LUC7L3: variants seen among roughly 807,000 people sequenced by gnomAD.
LUC7L3 encodes the protein LUC7 like 3 pre-mRNA splicing factor.
A neutral mutation model predicts 66.8 loss-of-function variants in LUC7L3; 6 were observed. The observed-to-expected ratio is 0.09, with a 90% CI of 0.05 to 0.18. The LOEUF (loss-of-function observed/expected upper bound fraction) is 0.18, where lower values mean the gene tolerates loss of function less well. LUC7L3 is among the 10% of genes least tolerant of loss of function. The pLI, the probability that LUC7L3 is intolerant of heterozygous loss-of-function variation, is 1.00. For missense variants in LUC7L3, 341 were observed against 531.1 expected (o/e 0.64, Z 3.52); for synonymous variants, 160 against 174.7 (o/e 0.92, Z 0.66).
At chr17:50,737,130 T>C (rs1970031754) in intron 2 of LUC7L3, 104 bp downstream of exon 2, 7 of 782,704 alleles carry the variant, frequency 8.9e-6, no homozygotes, top group South Asian at 5.1e-5. Flanking sequence ...TGAAGTTTTT[T>C]CTTAAAGATT....
chr17:50,741,361 A>G, intron 4 of LUC7L3, 115 bp downstream of exon 4: 1 of 1,080,766 alleles, frequency 9.3e-7, no homozygotes, highest in South Asian at 1.7e-5. Flanking sequence ...TTAAAATGAT[A>G]TGAAACTTAT....
intron 9 of LUC7L3, among the ~76,000 whole-genome samples, chr17:50,749,754 GGCTAGACTAT>G (rs1209542271): frequency 6.6e-6 from 1 of 152,172 alleles, no homozygotes; most frequent in African/African-American, 2.4e-5. Flanking sequence ...GAACTGAAAA[GGCTAGACTAT>G]GCTTGCTCTG....
chr17:50,731,420 C>T (rs988683884), intron 1 of LUC7L3, among the ~76,000 whole-genome samples: 1 of 152,034 alleles, frequency 6.6e-6, no homozygotes, highest in African/African-American at 2.4e-5. Context: ...CGCCTGCCTC[C>T]GCCTCCCAAA....
intron 9 of LUC7L3, among the ~76,000 whole-genome samples, chr17:50,747,610 T>C (rs546061775): frequency 6.6e-6 from 1 of 152,188 alleles, no homozygotes; most frequent in Non-Finnish European, 1.5e-5. Context: ...TTTATTATAC[T>C]AGTCTTTTGT....
Position 50,751,633 on chromosome 17 carries a change from T to G in LUC7L3, c.*972T>G, listed in dbSNP as rs1970978469. The G allele has an allele frequency of 2.7e-6, 3 of 1,123,210 alleles. No homozygotes were observed. The highest frequency in any genetic ancestry group is 3.3e-6 in the Non-Finnish European group (3 of 907,842). The allele number at this position is 1,123,210 out of a possible 1,614,324, so 69.6% of individuals were successfully genotyped here. ...CTTCATATTATTCGCCTTGTTACAC[T>G]CAATGCAATTCTCAAGTCTATAAGA... is the stretch of plus-strand genomic sequence containing the variant. On this transcript the variant is annotated 3_prime_UTR_variant, in exon 10 of 10. Transcript: ENST00000505658.
chr17:50,738,253 A>G, intron 2 of LUC7L3: 1 of 398,960 alleles, frequency 2.5e-6, no homozygotes, highest in Non-Finnish European at 4.9e-6. Flanking sequence ...TGATTTTCCT[A>G]TGATAAAGCC....
chr17:50,719,956 G>A, intron 1 of LUC7L3, 125 bp downstream of exon 1: 1 of 798,282 alleles, frequency 1.3e-6, no homozygotes. Context: ...CGTCTGACCC[G>A]GTGCCCATGG....
intron 1 of LUC7L3, chr17:50,723,208 A>G (rs1319047444): frequency 1.3e-5 from 2 of 152,256 alleles, no homozygotes; most frequent in African/African-American, 4.8e-5. Context: ...TCTCAACCTG[A>G]AAATGAAATT....
At chr17:50,746,780 G>T in intron 9 of LUC7L3, 78 bp downstream of exon 9, 1 of 1,303,508 alleles carries the variant, frequency 7.7e-7, no homozygotes, top group Non-Finnish European at 1.1e-6. Flanking sequence ...TCCAGACACA[G>T]GCAAAGATCC....
At chr17:50,725,636 G>A (rs1458974863) in intron 1 of LUC7L3, among the ~76,000 whole-genome samples, 1 of 152,174 alleles carries the variant, frequency 6.6e-6, no homozygotes, top group African/African-American at 2.4e-5. Context: ...TTTGAGTTGA[G>A]TGTGTCCATT....
chr17:50,726,119 T>C (rs985814769), intron 1 of LUC7L3, among the ~76,000 whole-genome samples: 1 of 152,038 alleles, frequency 6.6e-6, no homozygotes, highest in Admixed American at 6.6e-5. Context: ...CCCTTGGTTC[T>C]TGTGTATTTT....
chr17:50,743,601 C>A, intron 5 of LUC7L3, 105 bp from the exon 6 acceptor site: 2 of 697,742 alleles, frequency 2.9e-6, no homozygotes, highest in African/African-American at 1.8e-5. Context: ...GTAAATGAAA[C>A]CAAACAAAAA....
At chr17:50,736,082 G>A (rs1969967167) in intron 1 of LUC7L3, among the ~76,000 whole-genome samples, 1 of 152,202 alleles carries the variant, frequency 6.6e-6, no homozygotes, top group Non-Finnish European at 1.5e-5. Flanking sequence ...GCAGTGGGCT[G>A]AGATGGTGCC....
chr17:50,741,515 A>G (rs1299750634), intron 4 of LUC7L3, 142 bp from the exon 5 acceptor site: 1 of 616,268 alleles, frequency 1.6e-6, no homozygotes, highest in Admixed American at 3.3e-5. Context: ...ATTGACCAAC[A>G]GAAGTTGAAG....
intron 1 of LUC7L3, among the ~76,000 whole-genome samples, chr17:50,735,471 C>G (rs1471675777): frequency 6.6e-6 from 1 of 151,764 alleles, no homozygotes; most frequent in Non-Finnish European, 1.5e-5. Context: ...TTCCCTTTTC[C>G]TTTTCGTTTT....
chr17:50,735,828 T>TTGTGCATTAATAATCTCCCCA (rs1969948741), intron 1 of LUC7L3, among the ~76,000 whole-genome samples: 2 of 152,254 alleles, frequency 1.3e-5, no homozygotes, highest in East Asian at 3.9e-4. Context: ...TGTGTTATAG[T>TTGTGCATTAATAATCTCCCCA]TGTGCATTAA....
At chr17:50,744,510 C>T in intron 6 of LUC7L3, 142 bp from the exon 7 acceptor site, 4 of 716,836 alleles carry the variant, frequency 5.6e-6, no homozygotes, top group Non-Finnish European at 8.8e-6. Flanking sequence ...AAGTTGACCA[C>T]TTGTAGTCCA....
At chr17:50,725,652 G>T (rs1969131965) in intron 1 of LUC7L3, among the ~76,000 whole-genome samples, 1 of 152,108 alleles carries the variant, frequency 6.6e-6, no homozygotes, top group Non-Finnish European at 1.5e-5. Context: ...CCATTTATAC[G>T]TGGAGTTTTT....
In LUC7L3 at chr17:50,731,541, C is replaced by T. The variant is rs186675676; in HGVS notation, c.100-5419C>T. Among the ~76,000 whole-genome samples, 134 of 152,080 alleles carry T rather than the reference C, an allele frequency of 8.8e-4. 1 individual carries two copies. Among genetic ancestry groups the T allele is most frequent in the Admixed American group, 3.1e-3 (48 of 15,284 alleles). On this transcript the variant is annotated intron_variant, in intron 1 of 9. Coordinates refer to ENST00000505658, the MANE Select transcript of LUC7L3 (RefSeq NM_016424.5). ...CCCAAATATGTTCTTCCCATTTTTT[C>T]GGATCACTTGTTAATATTTTTAGTT...
Sources: allele counts gnomAD v4.1 joint callset (sites outside exome capture counted in the v4.1 genomes callset), GRCh38; gene constraint gnomAD v4.1.1; transcripts MANE v1.5; gene names NCBI Gene and HGNC (gene_info 2026-07-23, HGNC 2026-07-21).